Variants in CCDC39 observed in about 807,000 individuals in gnomAD.
CCDC39 encodes coiled-coil domain-containing protein 39.
A neutral mutation model predicts 121.0 loss-of-function variants in CCDC39; 113 were observed. That is an observed-to-expected ratio of 0.93 (90% CI 0.80 to 1.09). The LOEUF (loss-of-function observed/expected upper bound fraction) is 1.09, where lower values mean the gene tolerates loss of function less well. CCDC39 is among the 50% of genes least tolerant of loss of function. The pLI is 0.00. For synonymous variants in CCDC39, 349 were observed against 352.2 expected (o/e 0.99, Z 0.10); for missense variants, 1,063 against 1,074.7 (o/e 0.99, Z 0.15).
intron 9 of CCDC39, among the ~76,000 whole-genome samples, chr3:180,649,787 A>G (rs1380492637): frequency 6.6e-6 from 1 of 152,216 alleles, no homozygotes; most frequent in Admixed American, 6.5e-5. Flanking sequence ...AAATGTCTGA[A>G]GTTTTTAATT....
At chr3:180,643,361 G>GA (rs1390029405) in intron 12 of CCDC39, among the ~76,000 whole-genome samples, 2 of 151,098 alleles carry the variant, frequency 1.3e-5, no homozygotes, top group African/African-American at 4.9e-5. Context: ...GAGCTCCAAA[G>GA]AAAAAAAATA....
chr3:180,651,905 C>T (rs1488889378), intron 8 of CCDC39, among the ~76,000 whole-genome samples: 8 of 151,952 alleles, frequency 5.3e-5, no homozygotes, highest in Admixed American at 1.3e-4. Context: ...GGCCTGCTGG[C>T]GGGCACCTGT....
intron 3 of CCDC39, 85 bp from the exon 4 acceptor site, chr3:180,660,813 T>A: frequency 8.3e-7 from 1 of 1,201,850 alleles, no homozygotes; most frequent in Admixed American, 2.6e-5. Flanking sequence ...CTTTATATAC[T>A]ATGGAGCAAA....
chr3:180,635,129 G>A (rs1717794140), intron 13 of CCDC39, among the ~76,000 whole-genome samples: 1 of 152,166 alleles, frequency 6.6e-6, no homozygotes, highest in South Asian at 2.1e-4. Context: ...AAGGCAGCAG[G>A]AGAAAGCAAG....
chr3:180,652,578 T>C (rs887708188), intron 7 of CCDC39, among the ~76,000 whole-genome samples: 2 of 152,154 alleles, frequency 1.3e-5, no homozygotes, highest in Admixed American at 6.5e-5. Flanking sequence ...AGCTAATATA[T>C]ATGTGCTCAT....
chr3:180,626,632 A>C (rs1717568843), intron 14 of CCDC39, among the ~76,000 whole-genome samples: 1 of 152,142 alleles, frequency 6.6e-6, no homozygotes, highest in South Asian at 2.1e-4. Flanking sequence ...ACTTGGCCCA[A>C]ATGTGGGGCA....
Position 180,654,743 on chromosome 3 carries a change from CT to C in CCDC39, c.930+18del. The C allele has an allele frequency of 2.5e-6, 4 of 1,569,384 alleles. No homozygotes were observed. The highest frequency in any genetic ancestry group is 1.7e-5 in the Admixed American group (1 of 57,272). The stretch of plus-strand genomic sequence containing the variant: ...ATTTGTCGTGAACATACAAGCCAGT[CT>C]TTTTTGAGTTGACATACCTCACCCT... On this transcript the variant is annotated intron_variant, in intron 7 of 19. Coordinates refer to ENST00000476379, the MANE Select transcript of CCDC39 (RefSeq NM_181426.2).
At chr3:180,626,245 C>T (rs936961173) in intron 14 of CCDC39, among the ~76,000 whole-genome samples, 1 of 152,088 alleles carries the variant, frequency 6.6e-6, no homozygotes, top group Admixed American at 6.5e-5. Flanking sequence ...CATGTGCCAA[C>T]AGTGATGCAC....
At chr3:180,615,991 C>A (rs971887368) in intron 19 of CCDC39, among the ~76,000 whole-genome samples, 1 of 152,090 alleles carries the variant, frequency 6.6e-6, no homozygotes. Context: ...CTAGATGTAG[C>A]CCCCAAATTT....
intron 1 of CCDC39, among the ~76,000 whole-genome samples, chr3:180,677,169 TATA>T (rs1712249905): frequency 2.2e-4 from 1 of 4,552 alleles, no homozygotes; most frequent in African/African-American, 7.2e-4. Flanking sequence ...ATAATAATTT[TATA>T]TATATATATA....
chr3:180,646,730 G>C (rs905501969), intron 11 of CCDC39, among the ~76,000 whole-genome samples: 1 of 152,062 alleles, frequency 6.6e-6, no homozygotes, highest in Non-Finnish European at 1.5e-5. Flanking sequence ...GTATTTAGAA[G>C]TCAAATGCAG....
intron 13 of CCDC39, among the ~76,000 whole-genome samples, chr3:180,633,381 T>C (rs1455434493): frequency 6.6e-6 from 1 of 152,118 alleles, no homozygotes; most frequent in Non-Finnish European, 1.5e-5. Context: ...ATTAGTACCA[T>C]CTAAAAGAGA....
chr3:180,676,810 C>T (rs1362061626), intron 1 of CCDC39, among the ~76,000 whole-genome samples: 1 of 126,614 alleles, frequency 7.9e-6, no homozygotes, highest in East Asian at 2.5e-4. Flanking sequence ...ACTATGCAGC[C>T]ATAAAAAATG....
At chr3:180,640,083 G>A (rs1358227201) in intron 13 of CCDC39, among the ~76,000 whole-genome samples, 1 of 152,038 alleles carries the variant, frequency 6.6e-6, no homozygotes, top group Non-Finnish European at 1.5e-5. Context: ...ACCGAAGGGA[G>A]GAATTACAAT....
chr3:180,636,263 A>G (rs945977587), intron 13 of CCDC39, among the ~76,000 whole-genome samples: 16 of 152,198 alleles, frequency 1.1e-4, no homozygotes, highest in African/African-American at 3.9e-4. Context: ...AAGTTTCAGG[A>G]TACAAAATCA....
At position 180,617,532 on chromosome 3, in the gene CCDC39, G is replaced by T. The variant is rs1173403551; in HGVS notation, c.2266-566C>A. On this transcript the variant is annotated intron_variant, in intron 16 of 19. Coordinates refer to ENST00000476379, the MANE Select transcript of CCDC39 (RefSeq NM_181426.2). ...TCAAGTGGGACAAGATATGGAGGTG[G>T]AAGACAGTGGTATTGATGATCCTGA... 9.4e-6 allele frequency: 6 copies of T among 635,728 alleles called. No individual in the cohort carries two copies. The East Asian group carries it at 1.4e-4, about 15-fold the overall frequency. 39.4% of individuals were successfully genotyped at this position (635,728 alleles called of 1,614,324 possible).
rs201780665 is a variant in CCDC39 at position 180,642,072 on chromosome 3, G to T, written c.1795C>A (p.Arg599=). The T allele has an allele frequency of 1.2e-6, 2 of 1,611,134 alleles. No homozygotes were observed. ...TTATGAACCTTGATTTCTTCAGTTC[G>T]CTCTTCCATTGCTGTGTATAATTGC... ...KQQLYTAMEE[R]TEEIKVHKTM... Residue 599 remains arginine (R), a synonymous_variant, in exon 13 of 20, where the codon CGA becomes AGA. Transcript: ENST00000476379.
At position 180,627,711 on chromosome 3, in the gene CCDC39, G is replaced by T. The variant is rs191746878; in HGVS notation, c.1998+3758C>A. 1.8e-4 allele frequency among the ~76,000 whole-genome samples: 28 copies of T among 152,168 alleles called. No individual in the cohort carries two copies. In the East Asian group the frequency reaches 2.1e-3, roughly 12 times the overall value. On this transcript the variant is annotated intron_variant, in intron 14 of 19. Transcript: ENST00000476379. ...TATATTTTTCAGTTTGGCCTTTAAG[G>T]GTTAGATATTATAAGATACTAGAGT... is the stretch of plus-strand genomic sequence containing the variant.
chr3:180,615,965 G>A (rs1483384007), intron 19 of CCDC39, among the ~76,000 whole-genome samples: 1 of 152,242 alleles, frequency 6.6e-6, no homozygotes, highest in African/African-American at 2.4e-5. Flanking sequence ...CCAACTTGGG[G>A]GTTCACCCCC....
Sources: allele counts gnomAD v4.1 joint callset (sites outside exome capture counted in the v4.1 genomes callset), GRCh38; gene constraint gnomAD v4.1.1; transcripts MANE v1.5; gene names NCBI Gene and HGNC (gene_info 2026-07-23, HGNC 2026-07-21).